The following RASGRF2 variants were observed in gnomAD, a reference collection of about 807,000 sequenced individuals.
RASGRF2 encodes the protein ras-specific guanine nucleotide-releasing factor 2.
In RASGRF2, 76 loss-of-function variants were observed where a neutral mutation model predicts 151.0. The observed-to-expected ratio is 0.50, with a 90% CI of 0.42 to 0.61. The LOEUF is 0.61. RASGRF2 is among the 20% of genes least tolerant of loss of function. The pLI, the probability that RASGRF2 is intolerant of heterozygous loss-of-function variation, is 0.00. For missense variants in RASGRF2, 1,148 were observed against 1,564.6 expected, an observed-to-expected ratio of 0.73 and a Z score of 4.49; for synonymous variants, 504 against 566.5, an observed-to-expected ratio of 0.89 and a Z score of 1.57.
Position 81,155,918 on chromosome 5 carries a change from T to C in RASGRF2, c.2687-24257T>C, listed in dbSNP as rs1754250785. On this transcript the variant is annotated intron_variant, in intron 17 of 26. Coordinates refer to ENST00000265080, the MANE Select transcript of RASGRF2 (RefSeq NM_006909.3). ...GCAACATGTTTGACCTTTCAGTGTTTTGGGCAACAATCTAAACAACTTTAT... is the reference window on the plus strand; with the variant it reads ...GCAACATGTTTGACCTTTCAGTGTTCTGGGCAACAATCTAAACAACTTTAT... Among the ~76,000 whole-genome samples the C allele has an allele frequency of 2.6e-5, 4 of 152,276 alleles. No individual in the cohort carries two copies. In the South Asian group the frequency reaches 8.3e-4, roughly 32 times the overall value.
chr5:81,190,276 G>A (rs947673836), intron 18 of RASGRF2, among the ~76,000 whole-genome samples: 4 of 152,108 alleles, frequency 2.6e-5, no homozygotes, highest in African/African-American at 7.2e-5. Context: ...TTATCTTTAC[G>A]GCAGTGCTGG....
chr5:81,059,997 C>A (rs1751369226), intron 2 of RASGRF2, among the ~76,000 whole-genome samples: 1 of 152,202 alleles, frequency 6.6e-6, no homozygotes, highest in Non-Finnish European at 1.5e-5. Flanking sequence ...TTACTCATGG[C>A]AGAAGGCGAA....
At chr5:81,182,467 T>C (rs1214766353) in intron 18 of RASGRF2, among the ~76,000 whole-genome samples, 1 of 152,254 alleles carries the variant, frequency 6.6e-6, no homozygotes, top group Non-Finnish European at 1.5e-5. Context: ...CTGTGAAATT[T>C]CCACTTAATG....
chr5:81,043,780 T>C (rs1195574957), intron 2 of RASGRF2, among the ~76,000 whole-genome samples: 2 of 152,208 alleles, frequency 1.3e-5, no homozygotes, highest in East Asian at 3.8e-4. Flanking sequence ...ACTCTAGCTG[T>C]GGCATGCTTT....
chr5:81,194,649 G>C lies in RASGRF2; in HGVS notation c.2794-6681G>C, dbSNP rs987455135. The stretch of plus-strand genomic sequence containing the variant: ...TCCATCCCTTGACAGTTTTTGTCTT[G>C]TTCCTGGCCAGAACTACCCGCTTTT... On this transcript the variant is annotated intron_variant, in intron 18 of 26. Transcript: ENST00000265080. 3.3e-5 allele frequency among the ~76,000 whole-genome samples: 5 copies of C among 152,058 alleles called. No homozygotes were observed. In the East Asian group the frequency reaches 9.7e-4, roughly 29 times the overall value.
chr5:81,183,237 G>T, intron 18 of RASGRF2: 1 of 980,684 alleles, frequency 1.0e-6, no homozygotes, highest in Non-Finnish European at 1.2e-6. Flanking sequence ...CAATCAAGAT[G>T]TAGATTTACC....
chr5:81,139,692 G>A (rs10040163), intron 17 of RASGRF2, among the ~76,000 whole-genome samples: 5,912 of 151,964 alleles, frequency 0.039, 380 homozygotes, highest in African/African-American at 0.14. Flanking sequence ...CTATACACTG[G>A]TGATGATATA....
intron 1 of RASGRF2, among the ~76,000 whole-genome samples, chr5:80,963,608 A>T (rs761387265): frequency 2.1e-4 from 32 of 152,240 alleles, no homozygotes; most frequent in Non-Finnish European, 3.1e-4. Context: ...CCATTTCACA[A>T]GATTCAGAGA....
intron 5 of RASGRF2, among the ~76,000 whole-genome samples, chr5:81,074,083 T>G (rs898438498): frequency 1.3e-5 from 2 of 152,214 alleles, no homozygotes; most frequent in South Asian, 4.1e-4. Context: ...ACATGTTAAT[T>G]ATACACAAGT....
intron 9 of RASGRF2, chr5:81,087,270 A>G (rs1324787457): frequency 1.4e-6 from 1 of 703,062 alleles, no homozygotes. Flanking sequence ...CGGCCGTGGC[A>G]GTGCCAAGTG....
At chr5:81,211,146 GAAA>G (rs34983763) in intron 22 of RASGRF2, among the ~76,000 whole-genome samples, 12,923 of 126,370 alleles carry the variant, frequency 0.1, 667 homozygotes, top group Admixed American at 0.13. Flanking sequence ...CCTGTCTCCA[GAAA>G]AAAAAAAAAA....
intron 1 of RASGRF2, among the ~76,000 whole-genome samples, chr5:81,040,740 C>T (rs940458626): frequency 1.3e-5 from 2 of 152,118 alleles, no homozygotes; most frequent in African/African-American, 4.8e-5. Flanking sequence ...CCTTTTTTCT[C>T]CCCCTGCTTT....
At chr5:81,155,705 G>A (rs971955975) in intron 17 of RASGRF2, among the ~76,000 whole-genome samples, 54 of 152,106 alleles carry the variant, frequency 3.6e-4, no homozygotes, top group African/African-American at 1.3e-3. Context: ...AGCACTGAAC[G>A]CTAGGGTGAC....
At chr5:81,206,765 A>G in intron 19 of RASGRF2, 80 bp from the exon 20 acceptor site, 2 of 1,286,812 alleles carry the variant, frequency 1.6e-6, no homozygotes, top group East Asian at 2.3e-5. Flanking sequence ...CCATCCAGGG[A>G]AAACCAAACT....
intron 17 of RASGRF2, among the ~76,000 whole-genome samples, chr5:81,128,953 A>G (rs890766750): frequency 7.3e-5 from 11 of 151,672 alleles, no homozygotes; most frequent in Admixed American, 6.6e-4. Flanking sequence ...AGCCTGGCCA[A>G]CATGATGAAT....
At chr5:80,965,757 A>G (rs1044682064) in intron 1 of RASGRF2, among the ~76,000 whole-genome samples, 1 of 152,220 alleles carries the variant, frequency 6.6e-6, no homozygotes, top group Admixed American at 6.5e-5. Context: ...CATGTGTGAT[A>G]ACCAAATGTT....
chr5:81,040,100 C>A (rs1297000603), intron 1 of RASGRF2, among the ~76,000 whole-genome samples: 1 of 152,142 alleles, frequency 6.6e-6, no homozygotes, highest in African/African-American at 2.4e-5. Flanking sequence ...ACTTCCTGGG[C>A]TCAAGCAATC....
chr5:81,159,680 A>G (rs573344833), intron 17 of RASGRF2, among the ~76,000 whole-genome samples: 157 of 152,248 alleles, frequency 1.0e-3, no homozygotes, highest in South Asian at 3.3e-3. Flanking sequence ...ATATCAGTGA[A>G]CTCTGTGTGG....
intron 1 of RASGRF2, among the ~76,000 whole-genome samples, chr5:80,995,732 G>A (rs1415635620): frequency 5.2e-5 from 6 of 115,300 alleles, no homozygotes; most frequent in African/African-American, 2.0e-4. Context: ...TCCGTCTGTC[G>A]CCCAGGCTGG....
Sources: allele counts gnomAD v4.1 joint callset (sites outside exome capture counted in the v4.1 genomes callset), GRCh38; gene constraint gnomAD v4.1.1; transcripts MANE v1.5; gene names NCBI Gene and HGNC (gene_info 2026-07-23, HGNC 2026-07-21).